The following OSBPL1A variants were observed in gnomAD, a reference collection of about 807,000 sequenced individuals.
OSBPL1A encodes oxysterol-binding protein-related protein 1.
OSBPL1A carries 80 observed loss-of-function variants against 137.1 expected under a neutral mutation model. The ratio of observed to expected loss-of-function variants is 0.58; its 90% CI spans 0.49 to 0.70. The LOEUF (loss-of-function observed/expected upper bound fraction) is 0.70. OSBPL1A is among the 30% of genes least tolerant of loss of function. The pLI, the probability that OSBPL1A is intolerant of heterozygous loss-of-function variation, is 0.00. For missense variants in OSBPL1A, 970 were observed against 1,129.4 expected (o/e 0.86, Z 2.02); for synonymous variants, 365 against 389.7 (o/e 0.94, Z 0.75).
chr18:24,359,012 T>C (rs1484696635), intron 4 of OSBPL1A, among the ~76,000 whole-genome samples: 2 of 151,370 alleles, frequency 1.3e-5, no homozygotes, highest in Admixed American at 1.3e-4. Context: ...AGCCCAGGAG[T>C]TTCAGACCAG....
At chr18:24,279,633 A>G (rs1040579503) in intron 15 of OSBPL1A, among the ~76,000 whole-genome samples, 21 of 152,150 alleles carry the variant, frequency 1.4e-4, no homozygotes. Context: ...ATTGAAGATT[A>G]GACATATATA....
At chr18:24,215,568 G>C (rs1567951272) in intron 17 of OSBPL1A, among the ~76,000 whole-genome samples, 2 of 152,018 alleles carry the variant, frequency 1.3e-5, no homozygotes, top group Non-Finnish European at 2.9e-5. Flanking sequence ...TTCTGAAAAA[G>C]GAAAATTCCT....
In OSBPL1A at chr18:24,375,557, C is replaced by T. The variant is rs576766756; in HGVS notation, c.121+1856G>A. Among the ~76,000 whole-genome samples the T allele has an allele frequency of 4.6e-5, 7 of 152,200 alleles. No individual in the cohort carries two copies. The South Asian group carries it at 6.2e-4, about 14-fold the overall frequency. The stretch of plus-strand genomic sequence containing the variant: ...CCTTGAACCATTTTTTCTTCTCTAT[C>T]GTCACCTGGTTAACTCCTACTCTTT... On this transcript the variant is annotated intron_variant, in intron 2 of 27. Transcript: ENST00000319481.
At chr18:24,182,875 CTTT>C (rs1381758998) in intron 18 of OSBPL1A, among the ~76,000 whole-genome samples, 1 of 146,204 alleles carries the variant, frequency 6.8e-6, no homozygotes, top group African/African-American at 2.5e-5. Flanking sequence ...TTCTATTTTT[CTTT>C]TTTTTTTTGA....
At chr18:24,334,214 T>C in intron 6 of OSBPL1A, 31 bp downstream of exon 6, 1 of 1,558,644 alleles carries the variant, frequency 6.4e-7, no homozygotes, top group Non-Finnish European at 8.7e-7. Flanking sequence ...AGACTGCTTT[T>C]TGTCTTTTGG....
intron 15 of OSBPL1A, among the ~76,000 whole-genome samples, chr18:24,279,250 TAAAAAAAAA>T (rs565359517): frequency 2.4e-5 from 3 of 125,398 alleles, no homozygotes; most frequent in East Asian, 2.3e-4. Context: ...CCCATTTCTT[TAAAAAAAAA>T]AAAAAAAAAA....
At chr18:24,301,171 C>CTTG (rs2090393400) in intron 14 of OSBPL1A, 1 of 152,164 alleles carries the variant, frequency 6.6e-6, no homozygotes, top group African/African-American at 2.4e-5. Flanking sequence ...CAGAAAATGT[C>CTTG]CATAATTATC....
In OSBPL1A at chr18:24,163,565, G is replaced by A. The variant is rs372571757; in HGVS notation, c.2751-284C>T. On this transcript the variant is annotated intron_variant, in intron 27 of 27. Transcript: ENST00000319481. ...GCAGGGTCTTCTAATAGGTTGGCTC[G>A]AAACAATGTATTTGTCTAACGGGTT... is the stretch of plus-strand genomic sequence containing the variant. Among the ~76,000 whole-genome samples the A allele has an allele frequency of 3.3e-5, 5 of 152,132 alleles. No homozygotes were observed. In the East Asian group the frequency reaches 5.8e-4, roughly 18 times the overall value.
chr18:24,327,588 T>C (rs1425721441), intron 7 of OSBPL1A, among the ~76,000 whole-genome samples: 2 of 152,074 alleles, frequency 1.3e-5, no homozygotes, highest in Admixed American at 6.6e-5. Context: ...TTTTATATTT[T>C]AGTAGAGACA....
chr18:24,392,226 T>G (rs1907407670), intron 1 of OSBPL1A, among the ~76,000 whole-genome samples: 1 of 152,048 alleles, frequency 6.6e-6, no homozygotes, highest in South Asian at 2.1e-4. Context: ...AATGGCGCCA[T>G]CTCGGTTCAC....
At chr18:24,229,221 C>T (rs1567961041) in intron 16 of OSBPL1A, among the ~76,000 whole-genome samples, 2 of 151,814 alleles carry the variant, frequency 1.3e-5, no homozygotes, top group African/African-American at 2.4e-5. Flanking sequence ...AGGTAGGTAG[C>T]GGGAAGAAAT....
rs1177481726 is a variant in OSBPL1A, at chr18:24,162,468, A to G, written c.*711T>C. The G allele has an allele frequency of 6.6e-6, 1 of 152,262 alleles. No homozygotes were observed. Among genetic ancestry groups the G allele is most frequent in the East Asian group, 1.9e-4 (1 of 5,210 alleles). The allele number at this position is 152,262 out of a possible 1,614,324, so 9.4% of individuals were successfully genotyped here. ...TTTTGTGAATTGCTAGATTTTATAC[A>G]TATTTTCAGTTCAAATGTAAACTTA... On this transcript the variant is annotated 3_prime_UTR_variant, in exon 28 of 28. Transcript: ENST00000319481.
intron 16 of OSBPL1A, among the ~76,000 whole-genome samples, chr18:24,235,201 C>G (rs2088427052): frequency 6.6e-6 from 1 of 152,196 alleles, no homozygotes; most frequent in Non-Finnish European, 1.5e-5. Context: ...CAGGCCAAGG[C>G]TGGAAGCACC....
At chr18:24,361,688 A>G (rs191640072) in intron 4 of OSBPL1A, among the ~76,000 whole-genome samples, 4 of 152,332 alleles carry the variant, frequency 2.6e-5, no homozygotes, top group South Asian at 2.1e-4. Context: ...CCTTGCTAGC[A>G]AGATTAATGC....
In OSBPL1A at chr18:24,233,787, TA is replaced by T. The variant is rs368931694; in HGVS notation, c.1444+5432del. Among the ~76,000 whole-genome samples, 547 of 152,254 alleles carry T rather than the reference TA, an allele frequency of 3.6e-3. 1 individual carries two copies. Among genetic ancestry groups the T allele is most frequent in the African/African-American group, 0.012 (501 of 41,544 alleles). ...CCTCAGCCTCCCAAGTAGCTGGGAT[TA>T]CAAGCATGTGCCACCATGCCCGGAT... On this transcript the variant is annotated intron_variant, in intron 16 of 27. Coordinates refer to ENST00000319481, the MANE Select transcript of OSBPL1A (RefSeq NM_080597.4).
At chr18:24,321,705 C>G (rs2090863454) in intron 7 of OSBPL1A, 1 of 523,388 alleles carries the variant, frequency 1.9e-6, no homozygotes, top group Admixed American at 2.0e-5. Context: ...CCAGTTCTTC[C>G]CAGAATTGGG....
intron 17 of OSBPL1A, among the ~76,000 whole-genome samples, chr18:24,219,639 G>A (rs141896618): frequency 3.3e-5 from 5 of 152,234 alleles, no homozygotes; most frequent in African/African-American, 1.2e-4. Context: ...TCTGGTGAAA[G>A]TATGTCTCAC....
rs189376356 is a variant in OSBPL1A at position 24,259,822 on chromosome 18, G to A, written c.1282-20440C>T. Reference sequence around the variant, plus strand: ...CAGTTTAGTTAAAAAAAAATACACCGAAAGTACAAACAACAAAAATTTAAA... The same window carrying A: ...CAGTTTAGTTAAAAAAAAATACACCAAAAGTACAAACAACAAAAATTTAAA... On this transcript the variant is annotated intron_variant, in intron 15 of 27. Coordinates refer to ENST00000319481, the MANE Select transcript of OSBPL1A (RefSeq NM_080597.4). Among the ~76,000 whole-genome samples, 158 of 151,948 alleles carry A rather than the reference G, an allele frequency of 1.0e-3. 1 individual carries two copies. The highest frequency in any genetic ancestry group is 3.5e-3 in the African/African-American group (145 of 41,436).
At chr18:24,183,849 C>T (rs1034836095) in intron 18 of OSBPL1A, among the ~76,000 whole-genome samples, 4 of 152,176 alleles carry the variant, frequency 2.6e-5, no homozygotes, top group African/African-American at 9.7e-5. Flanking sequence ...GTACATACAT[C>T]GAGTCTTTCC....
Sources: gnomAD v4.1 joint callset for allele counts (sites outside exome capture counted in the v4.1 genomes callset) on GRCh38, gnomAD v4.1.1 for gene constraint, MANE v1.5 for transcripts, NCBI Gene and HGNC (gene_info 2026-07-23, HGNC 2026-07-21) for gene names.